The following VWA8 variants were observed in gnomAD, a reference collection of about 807,000 sequenced individuals.
The protein encoded by VWA8 is von Willebrand factor A domain containing 8.
A neutral mutation model predicts 241.5 loss-of-function variants in VWA8; 221 were observed. The ratio of observed to expected loss-of-function variants is 0.91; its 90% CI spans 0.82 to 1.02. The LOEUF (loss-of-function observed/expected upper bound fraction) is 1.02, where lower values mean the gene tolerates loss of function less well. Ranked by LOEUF, VWA8 falls within the 50% of genes least tolerant of loss-of-function variation. The probability of loss-of-function intolerance (pLI) is 0.00; values close to 1 mark genes in which losing one functional copy is unlikely to be tolerated. For missense variants in VWA8, 2,322 were observed against 2,328.7 expected (o/e 1.00, Z 0.06); for synonymous variants, 852 against 827.1 (o/e 1.03, Z -0.52).
Position 41,619,178 on chromosome 13 carries a change from C to G in VWA8, c.4612-4094G>C, listed in dbSNP as rs370367525. ...GGTTTGTAGTTCTCCTTGAAGAGGT[C>G]CTTCACATCCCTTGTAAGCTGGATT... On this transcript the variant is annotated intron_variant, in intron 37 of 44. Transcript: ENST00000379310. Among the ~76,000 whole-genome samples the G allele has an allele frequency of 2.1e-4, 32 of 152,240 alleles. No individual in the cohort carries two copies. The South Asian group carries it at 6.4e-3, about 31-fold the overall frequency.
intron 1 of VWA8, among the ~76,000 whole-genome samples, chr13:41,957,590 A>G (rs1878406835): frequency 6.6e-6 from 1 of 152,176 alleles, no homozygotes; most frequent in African/African-American, 2.4e-5. Context: ...TGGGTGCCAC[A>G]GCAAGACTCC....
intron 32 of VWA8, 68 bp downstream of exon 32, chr13:41,691,252 T>C: frequency 1.3e-6 from 2 of 1,533,252 alleles, no homozygotes; most frequent in Non-Finnish European, 1.8e-6. Flanking sequence ...ACAGTAAAGA[T>C]GTTGGATAAT....
intron 20 of VWA8, among the ~76,000 whole-genome samples, chr13:41,771,326 T>C (rs953980219): frequency 6.6e-6 from 1 of 152,194 alleles, no homozygotes; most frequent in Admixed American, 6.5e-5. Flanking sequence ...TTTCACCATG[T>C]TGGCCAGGCT....
intron 39 of VWA8, among the ~76,000 whole-genome samples, chr13:41,607,339 A>G (rs1175980013): frequency 6.6e-6 from 1 of 152,190 alleles, no homozygotes. Context: ...GTGCCTTTCT[A>G]AATCTAATTA....
intron 26 of VWA8, among the ~76,000 whole-genome samples, chr13:41,712,237 A>G (rs1482611205): frequency 6.6e-6 from 1 of 152,188 alleles, no homozygotes; most frequent in African/African-American, 2.4e-5. Flanking sequence ...CAAAGTAACT[A>G]GAAAACAGTA....
Position 41,611,611 on chromosome 13 carries a change from A to G in VWA8, c.4842T>C (p.Ala1614=). The change falls in exon 39 of 45, where the codon GCT becomes GCC. Residue 1614 remains alanine, a synonymous_variant. Coordinates refer to ENST00000379310, the MANE Select transcript of VWA8 (RefSeq NM_015058.2). The part of the protein sequence containing the change: ...KDAVPEEVKR[A]AREMGQRAFQ... ...ATGCTCTCTGGCCCATCTCTCTAGC[A>G]GCTCTCTTGACCTCTTCGGGAACTG... The G allele has an allele frequency of 6.2e-7, 1 of 1,614,108 alleles. No homozygotes were observed. The highest frequency in any genetic ancestry group is 8.5e-7 in the Non-Finnish European group (1 of 1,179,964).
At chr13:41,748,473 T>C (rs2137888617) in intron 21 of VWA8, among the ~76,000 whole-genome samples, 1 of 152,210 alleles carries the variant, frequency 6.6e-6, no homozygotes, top group East Asian at 1.9e-4. Flanking sequence ...ATTGCGTCTA[T>C]TTGATTCTTC....
At chr13:41,600,952 T>C (rs2044517393) in intron 40 of VWA8, among the ~76,000 whole-genome samples, 1 of 152,188 alleles carries the variant, frequency 6.6e-6, no homozygotes. Context: ...TTTAATCTCC[T>C]GGCTTCCACC....
intron 21 of VWA8, among the ~76,000 whole-genome samples, chr13:41,735,037 T>C (rs543174007): frequency 2.0e-3 from 309 of 152,264 alleles, no homozygotes; most frequent in African/African-American, 7.3e-3. Context: ...TGTTAAAGTT[T>C]TAAACAAATC....
chr13:41,946,004 A>C (rs544385160), intron 2 of VWA8, among the ~76,000 whole-genome samples: 1 of 152,258 alleles, frequency 6.6e-6, no homozygotes, highest in East Asian at 1.9e-4. Flanking sequence ...TGAAGAGAGA[A>C]TCTTGATAGC....
chr13:41,788,926 A>G (rs946994393), intron 17 of VWA8, among the ~76,000 whole-genome samples: 11 of 152,128 alleles, frequency 7.2e-5, no homozygotes, highest in Admixed American at 6.6e-4. Flanking sequence ...ACATTTCTAG[A>G]TTACACTCCA....
rs776903039 is a variant in VWA8 at position 41,961,027 on chromosome 13, G to T, written c.-12C>A. On this transcript the variant is annotated 5_prime_UTR_variant, in exon 1 of 45. Transcript: ENST00000379310. ...AGCCGGGATTGCATGGCGCCGGGGG[G>T]GCTGTCGGGGACGGCGAGGGGGCTC... 39 of 1,362,354 alleles carry T rather than the reference G, an allele frequency of 2.9e-5. No homozygotes were observed. The highest frequency in any genetic ancestry group is 2.7e-4 in the Middle Eastern group (1 of 3,728). 84.4% of individuals were successfully genotyped at this position (1,362,354 alleles called of 1,614,324 possible).
intron 37 of VWA8, among the ~76,000 whole-genome samples, chr13:41,629,519 CCTAACCTG>C (rs2044713556): frequency 6.6e-6 from 1 of 152,076 alleles, no homozygotes; most frequent in South Asian, 2.1e-4. Context: ...AAACAACTGC[CCTAACCTG>C]GTATGCTAAC....
At chr13:41,787,408 TAAAAA>T in intron 18 of VWA8, 24 bp downstream of exon 18, 1 of 1,507,650 alleles carries the variant, frequency 6.6e-7, no homozygotes, top group Non-Finnish European at 9.2e-7. Flanking sequence ...TTATTTCACT[TAAAAA>T]AAAGAGCCAA....
intron 5 of VWA8, among the ~76,000 whole-genome samples, chr13:41,888,491 C>T (rs1227255884): frequency 6.6e-6 from 1 of 152,182 alleles, no homozygotes; most frequent in Non-Finnish European, 1.5e-5. Flanking sequence ...AACTGCAGCT[C>T]TCCAAACACA....
intron 40 of VWA8, among the ~76,000 whole-genome samples, chr13:41,604,280 C>G (rs2044539775): frequency 6.6e-6 from 1 of 152,090 alleles, no homozygotes; most frequent in African/African-American, 2.4e-5. Flanking sequence ...TATATAAAAT[C>G]TTATGCTGTT....
intron 39 of VWA8, among the ~76,000 whole-genome samples, chr13:41,611,269 G>A (rs925937073): frequency 6.6e-6 from 1 of 152,178 alleles, no homozygotes; most frequent in African/African-American, 2.4e-5. Context: ...TAATCTGCAA[G>A]ATTTCTGAGG....
chr13:41,831,472 A>G (rs1052296631), intron 13 of VWA8, among the ~76,000 whole-genome samples: 5 of 152,196 alleles, frequency 3.3e-5, no homozygotes, highest in Non-Finnish European at 7.3e-5. Flanking sequence ...CTAAACAGCT[A>G]ATGTAAAATG....
chr13:41,824,637 G>A (rs953202326), intron 14 of VWA8, among the ~76,000 whole-genome samples: 1 of 151,824 alleles, frequency 6.6e-6, no homozygotes, highest in African/African-American at 2.4e-5. Flanking sequence ...AGAGCAGCCT[G>A]GGCAACATAG....
Sources: allele counts gnomAD v4.1 joint callset (sites outside exome capture counted in the v4.1 genomes callset), GRCh38; gene constraint gnomAD v4.1.1; transcripts MANE v1.5; gene names NCBI Gene and HGNC (gene_info 2026-07-23, HGNC 2026-07-21).